Variants in ANKRD40 observed in about 807,000 individuals in gnomAD.
ANKRD40 encodes the protein ankyrin repeat domain-containing protein 40.
In ANKRD40, 24 loss-of-function variants were observed where a neutral mutation model predicts 35.5. The observed-to-expected ratio is 0.68, with a 90% CI of 0.49 to 0.95. The LOEUF (loss-of-function observed/expected upper bound fraction) is 0.95, where lower values mean the gene tolerates loss of function less well. Ranked by LOEUF, ANKRD40 falls within the 40% of genes least tolerant of loss-of-function variation. The pLI, the probability that ANKRD40 is intolerant of heterozygous loss-of-function variation, is 0.00. For synonymous variants in ANKRD40, 147 were observed against 173.5 expected, an observed-to-expected ratio of 0.85 and a Z score of 1.20; for missense variants, 361 against 436.0, an observed-to-expected ratio of 0.83 and a Z score of 1.53.
In ANKRD40 at chr17:50,693,433, T is replaced by C. The variant is rs1405538733; in HGVS notation, c.*2564A>G. On this transcript the variant is annotated 3_prime_UTR_variant, in exon 5 of 5. Coordinates refer to ENST00000285243, the MANE Select transcript of ANKRD40 (RefSeq NM_052855.4). ...CATAGATTAAGACTTTAAACTCACC[T>C]ACCAGCAACTGTGCAGTCTTATTCC... is the stretch of plus-strand genomic sequence containing the variant. 1 of 152,252 alleles carries C rather than the reference T, an allele frequency of 6.6e-6. No homozygotes were observed. 9.4% of individuals were successfully genotyped at this position (152,252 alleles called of 1,614,324 possible).
At chr17:50,703,781 A>G (rs1968297190) in intron 1 of ANKRD40, among the ~76,000 whole-genome samples, 1 of 152,084 alleles carries the variant, frequency 6.6e-6, no homozygotes. Flanking sequence ...ACTGAGTGAG[A>G]TAGGAGCCAT....
In ANKRD40 at chr17:50,700,689, T is replaced by C; in HGVS notation, c.162A>G (p.Arg54=). 1 of 1,614,138 alleles carries C rather than the reference T, an allele frequency of 6.2e-7. No homozygotes were observed. Among genetic ancestry groups the C allele is most frequent in the Non-Finnish European group, 8.5e-7 (1 of 1,180,028 alleles). The change falls in exon 2 of 5, where the codon CGA becomes CGG. Residue 54 remains arginine (R), a synonymous_variant. Transcript: ENST00000285243. ...GWTCLHWACK[R]NHGQVVSYLL... ...GGTAAGAGACCACCTGACCATGGTT[T>C]CGTTTACATGCCCAGTGTAAACAAG...
Position 50,697,107 on chromosome 17 carries a change from C to T in ANKRD40, c.793G>A (p.Val265Met). The T allele has an allele frequency of 6.2e-7, 1 of 1,612,378 alleles. No individual in the cohort carries two copies. The highest frequency in any genetic ancestry group is 8.5e-7 in the Non-Finnish European group (1 of 1,179,360). ...CGAAGAGATGGGTTCTGAATTCTCACCTTGAGTACCAGCTCTAGAAAAAAA... is the reference window on the plus strand; with the variant it reads ...CGAAGAGATGGGTTCTGAATTCTCATCTTGAGTACCAGCTCTAGAAAAAAA... ...PFNMQELVLK[V>M]RIQNPSLREN... Residue 265 changes from valine to methionine, a missense_variant, in exon 4 of 5, where the codon GTG becomes ATG. Val to Met is a conservative substitution (Grantham distance 21, BLOSUM62 1). This residue lies in a region of ANKRD40 where 93 missense variants were observed against 129.6 expected (regional missense o/e 0.72). Coordinates refer to ENST00000285243, the MANE Select transcript of ANKRD40 (RefSeq NM_052855.4).
At chr17:50,698,373 G>A (rs150653082) in intron 3 of ANKRD40, among the ~76,000 whole-genome samples, 308 of 152,188 alleles carry the variant, frequency 2.0e-3, no homozygotes, top group African/African-American at 7.1e-3. Context: ...GATAGTAACA[G>A]ATTATAACCC....
At chr17:50,696,756 CAA>C (rs56236009) in intron 4 of ANKRD40, 182 bp downstream of exon 4, 1,759 of 324,942 alleles carry the variant, frequency 5.4e-3, no homozygotes, top group East Asian at 9.6e-3. Context: ...CTTGACTTGC[CAA>C]AAAAAAAAAA....
In ANKRD40 at chr17:50,707,459, T is replaced by C; in HGVS notation, c.134+62A>G. 6.4e-7 allele frequency: 1 copy of C among 1,565,612 alleles called. No homozygotes were observed. The highest frequency in any genetic ancestry group is 8.6e-7 in the Non-Finnish European group (1 of 1,157,028). ...TCCCGCGCTGGGCCCAGGTCGCGAC[T>C]GACTGCCCCACGCCTTCCGACCGGC... is the stretch of plus-strand genomic sequence containing the variant. On this transcript the variant is annotated intron_variant, in intron 1 of 4. Transcript: ENST00000285243. The surrounding 1 kb of genome is among the most constrained non-coding windows in gnomAD (Gnocchi z 4.8).
rs1350767976 is a variant in ANKRD40 at position 50,707,330 on chromosome 17, G to A, written c.134+191C>T. Among the ~76,000 whole-genome samples, 1 of 152,078 alleles carries A rather than the reference G, an allele frequency of 6.6e-6. No homozygotes were observed. The highest frequency in any genetic ancestry group is 2.4e-5 in the African/African-American group (1 of 41,418). ...GAGTGGACCACGTGGGCCGGGATTT[G>A]GGCAGGACGCGCTCCCGACCGCACG... is the stretch of plus-strand genomic sequence containing the variant. On this transcript the variant is annotated intron_variant, in intron 1 of 4. Transcript: ENST00000285243. This position sits in a 1 kb window ranked among gnomAD's most constrained non-coding sequence, Gnocchi z 4.8.
chr17:50,704,681 C>A (rs1449763519), intron 1 of ANKRD40, among the ~76,000 whole-genome samples: 2 of 152,104 alleles, frequency 1.3e-5, no homozygotes, highest in Admixed American at 1.3e-4. Flanking sequence ...AATCCTATGA[C>A]CTTGGGAAGG....
chr17:50,697,116 C>A lies in ANKRD40; in HGVS notation c.784G>T (p.Val262Leu). The change falls in exon 4 of 5, where the codon GTA (valine) becomes TTA (leucine). Residue 262 changes from valine to leucine, a missense_variant. By Grantham distance (32) the Val-to-Leu change is conservative. Around this residue, in one of 5 missense-constraint regions of ANKRD40, gnomAD observed 93 missense variants for 129.6 expected, o/e 0.72. Coordinates refer to ENST00000285243, the MANE Select transcript of ANKRD40 (RefSeq NM_052855.4). Reference sequence around the variant, plus strand: ...GGGTTCTGAATTCTCACCTTGAGTACCAGCTCTAGAAAAAAAAGGAGAAAT... The same window carrying A: ...GGGTTCTGAATTCTCACCTTGAGTAACAGCTCTAGAAAAAAAAGGAGAAAT... ...GAFPFNMQEL[V>L]LKVRIQNPSL... is the part of the protein sequence containing the mutation. The A allele has an allele frequency of 6.2e-7, 1 of 1,609,868 alleles. No homozygotes were observed. Among genetic ancestry groups the A allele is most frequent in the Non-Finnish European group, 8.5e-7 (1 of 1,178,514 alleles).
chr17:50,696,901 AAT>A (rs769051953), intron 4 of ANKRD40, 37 bp downstream of exon 4: 3 of 1,540,062 alleles, frequency 1.9e-6, no homozygotes, highest in Non-Finnish European at 2.6e-6. Context: ...GTATTTTTCA[AAT>A]GCAAAAAGCA....
rs1212758244 is a variant in ANKRD40, at chr17:50,707,486, G to A, written c.134+35C>T. 1.3e-6 allele frequency: 2 copies of A among 1,591,856 alleles called. No homozygotes were observed. The highest frequency in any genetic ancestry group is 8.6e-7 in the Non-Finnish European group (1 of 1,169,408). On this transcript the variant is annotated intron_variant, in intron 1 of 4. Coordinates refer to ENST00000285243, the MANE Select transcript of ANKRD40 (RefSeq NM_052855.4). This position sits in a 1 kb window ranked among gnomAD's most constrained non-coding sequence, Gnocchi z 4.8. ...ACTGCCCCACGCCTTCCGACCGGCTGCCCTGACCCTAGGCCTCCCCCGCTC... is the reference window on the plus strand; with the variant it reads ...ACTGCCCCACGCCTTCCGACCGGCTACCCTGACCCTAGGCCTCCCCCGCTC...
Position 50,696,041 on chromosome 17 carries a change from C to T in ANKRD40, c.1063G>A (p.Glu355Lys). The T allele has an allele frequency of 6.2e-7, 1 of 1,614,202 alleles. No individual in the cohort carries two copies. Residue 355 changes from glutamate (E) to lysine (K), a missense_variant, in exon 5 of 5, where the codon GAA (glutamate) becomes AAA (lysine). Physicochemically the swap from Glu to Lys is moderately conservative, Grantham distance 56. Transcript: ENST00000285243. ...GCTCTCCTGTTATAGCAAGGCCTTT[C>T]AGTCAGTGTGGATGCAGCATTTCTG... ...LFRNAASTLT[E>K]RPCYNRRASK...
chr17:50,699,845 A>C lies in ANKRD40; in HGVS notation c.332T>G (p.Leu111Arg). Residue 111 changes from leucine to arginine, a missense_variant, in exon 3 of 5, where the codon CTG becomes CGG. By Grantham distance (102) the Leu-to-Arg change is moderately radical. Transcript: ENST00000285243. Reference protein sequence around the residue: ...DDDDDDNLPQLKKESELPFVP... With the variant: ...DDDDDDNLPQRKKESELPFVP... Reference sequence around the variant, plus strand: ...AAAGGGCAGTTCTGACTCCTTCTTCAGCTGGGGGAGGTTGTCATCATCATC... The same window carrying C: ...AAAGGGCAGTTCTGACTCCTTCTTCCGCTGGGGGAGGTTGTCATCATCATC... 1 of 1,522,916 alleles carries C rather than the reference A, an allele frequency of 6.6e-7. No homozygotes were observed. Among genetic ancestry groups the C allele is most frequent in the African/African-American group, 1.4e-5 (1 of 71,878 alleles). 94.3% of individuals were successfully genotyped at this position (1,522,916 alleles called of 1,614,324 possible).
At position 50,694,265 on chromosome 17, in the gene ANKRD40, A is replaced by G. The variant is rs1322444888; in HGVS notation, c.*1732T>C. On this transcript the variant is annotated 3_prime_UTR_variant, in exon 5 of 5. Coordinates refer to ENST00000285243, the MANE Select transcript of ANKRD40 (RefSeq NM_052855.4). ...TAAGTCACCAGCAGTAATTGGTGGG[A>G]TACAATTAAGTCACTAAACAGAGTG... 6.6e-6 allele frequency: 1 copy of G among 152,192 alleles called. No homozygotes were observed. The highest frequency in any genetic ancestry group is 2.4e-5 in the African/African-American group (1 of 41,436). The allele number at this position is 152,192 out of a possible 1,614,324, so 9.4% of individuals were successfully genotyped here.
intron 1 of ANKRD40, among the ~76,000 whole-genome samples, chr17:50,706,064 C>G (rs1380023311): frequency 6.6e-6 from 1 of 151,910 alleles, no homozygotes; most frequent in Non-Finnish European, 1.5e-5. Flanking sequence ...GAGCCTCTCT[C>G]CATTGTCCCT....
intron 1 of ANKRD40, among the ~76,000 whole-genome samples, chr17:50,703,027 G>A (rs904204663): frequency 1.3e-5 from 2 of 152,194 alleles, no homozygotes; most frequent in African/African-American, 4.8e-5. Flanking sequence ...ATTAGTGTCA[G>A]AAACTATTTC....
At chr17:50,701,597 A>C (rs748192782) in intron 1 of ANKRD40, among the ~76,000 whole-genome samples, 2 of 152,222 alleles carry the variant, frequency 1.3e-5, no homozygotes, top group Non-Finnish European at 1.5e-5. Flanking sequence ...AAAGATTCAG[A>C]GCAACTAAAT....
At chr17:50,706,583 G>T (rs530548067) in intron 1 of ANKRD40, among the ~76,000 whole-genome samples, 1 of 151,822 alleles carries the variant, frequency 6.6e-6, no homozygotes, top group East Asian at 1.9e-4. Context: ...AAAGTCTTGG[G>T]TGACATTCTG....
rs1366592157 is a variant in ANKRD40, at chr17:50,707,058, T to C, written c.134+463A>G. On this transcript the variant is annotated intron_variant, in intron 1 of 4. Coordinates refer to ENST00000285243, the MANE Select transcript of ANKRD40 (RefSeq NM_052855.4). This position sits in a 1 kb window ranked among gnomAD's most constrained non-coding sequence, Gnocchi z 4.8. ...GAATGGTGATGCAAATGTGTTTTTT[T>C]TTCCTGGTCTTGGCTAAGGAAATCG... Among the ~76,000 whole-genome samples the C allele has an allele frequency of 6.6e-6, 1 of 152,168 alleles. No homozygotes were observed. The highest frequency in any genetic ancestry group is 1.5e-5 in the Non-Finnish European group (1 of 68,026).
Sources: gnomAD v4.1 joint callset for allele counts (sites outside exome capture counted in the v4.1 genomes callset) on GRCh38, gnomAD v4.1.1 for gene constraint, gnomAD v4.1.1 regional missense constraint, Gnocchi (gnomAD v3.1) non-coding constraint, MANE v1.5 for transcripts, NCBI Gene and HGNC (gene_info 2026-07-23, HGNC 2026-07-21) for gene names.